The following ADCY8 variants were observed in gnomAD, a reference collection of about 807,000 sequenced individuals.
ADCY8 encodes adenylate cyclase type 8.
ADCY8 carries 51 observed loss-of-function variants against 119.7 expected under a neutral mutation model. That is an observed-to-expected ratio of 0.43 (90% CI 0.34 to 0.54). The LOEUF is 0.54. Among genes scored for constraint, ADCY8 ranks in the 20% least tolerant of loss-of-function variants. The probability of loss-of-function intolerance (pLI) is 0.03; values close to 1 mark genes in which losing one functional copy is unlikely to be tolerated. For missense variants in ADCY8, 1,383 were observed against 1,598.8 expected, an observed-to-expected ratio of 0.87 and a Z score of 2.30; for synonymous variants, 665 against 651.0, an observed-to-expected ratio of 1.02 and a Z score of -0.33.
At chr8:130,951,492 C>T (rs1484764438) in intron 3 of ADCY8, among the ~76,000 whole-genome samples, 1 of 152,152 alleles carries the variant, frequency 6.6e-6, no homozygotes, top group African/African-American at 2.4e-5. Context: ...GTTTTAAACA[C>T]ACTTATGAGT....
chr8:130,955,168 G>A (rs139805979), intron 2 of ADCY8, among the ~76,000 whole-genome samples: 41 of 152,256 alleles, frequency 2.7e-4, no homozygotes, highest in Middle Eastern at 3.4e-3. Context: ...GGAAAGATAC[G>A]CATTCTTACT....
chr8:130,940,582 C>T (rs1374993861), intron 4 of ADCY8, among the ~76,000 whole-genome samples: 1 of 152,044 alleles, frequency 6.6e-6, no homozygotes, highest in Non-Finnish European at 1.5e-5. Context: ...CAAGGTCTGT[C>T]AATTTGCAGA....
intron 4 of ADCY8, among the ~76,000 whole-genome samples, chr8:130,939,400 A>C (rs957714487): frequency 5.3e-5 from 8 of 152,310 alleles, no homozygotes; most frequent in Non-Finnish European, 1.0e-4. Flanking sequence ...CTGATTTTGC[A>C]GATCCGAACA....
intron 6 of ADCY8, among the ~76,000 whole-genome samples, chr8:130,906,772 A>G (rs1412282175): frequency 6.6e-6 from 1 of 151,144 alleles, no homozygotes; most frequent in Non-Finnish European, 1.5e-5. Flanking sequence ...CTAAATTAAG[A>G]CCTAACAATT....
intron 1 of ADCY8, among the ~76,000 whole-genome samples, chr8:131,029,789 G>C (rs1371739590): frequency 6.7e-6 from 1 of 148,862 alleles, no homozygotes; most frequent in Non-Finnish European, 1.5e-5. Flanking sequence ...TTGACAGAGA[G>C]ACTGATTTCT....
chr8:130,912,833 C>T (rs1040870583), intron 5 of ADCY8, among the ~76,000 whole-genome samples: 1 of 151,958 alleles, frequency 6.6e-6, no homozygotes, highest in Admixed American at 6.6e-5. Context: ...TTTATATCTA[C>T]TGACAATGAA....
chr8:130,951,812 C>A, intron 3 of ADCY8, 56 bp downstream of exon 3: 1 of 1,593,174 alleles, frequency 6.3e-7, no homozygotes, highest in South Asian at 1.1e-5. Flanking sequence ...GCAATGAGAG[C>A]ACCCAAACAC....
intron 17 of ADCY8, among the ~76,000 whole-genome samples, chr8:130,782,895 G>A (rs1049420161): frequency 3.9e-5 from 6 of 152,204 alleles, no homozygotes; most frequent in East Asian, 1.9e-4. Context: ...TGTGAGGACC[G>A]TAGCAAAAGT....
intron 1 of ADCY8, among the ~76,000 whole-genome samples, chr8:130,993,427 A>G (rs1296228350): frequency 6.6e-6 from 1 of 152,212 alleles, no homozygotes; most frequent in Non-Finnish European, 1.5e-5. Flanking sequence ...AAAGATAGAG[A>G]TAATCTGGAA....
chr8:131,017,287 CTCG>C (rs1823508172), intron 1 of ADCY8, among the ~76,000 whole-genome samples: 1 of 152,082 alleles, frequency 6.6e-6, no homozygotes, highest in African/African-American at 2.4e-5. Flanking sequence ...CCATGCTGGT[CTCG>C]AACTTTTGAT....
intron 14 of ADCY8, among the ~76,000 whole-genome samples, chr8:130,813,693 A>T (rs1281344033): frequency 6.6e-6 from 1 of 152,218 alleles, no homozygotes; most frequent in Non-Finnish European, 1.5e-5. Flanking sequence ...GCTTCTAGAT[A>T]TACAAATATG....
intron 7 of ADCY8, among the ~76,000 whole-genome samples, chr8:130,903,137 A>C (rs1405954080): frequency 6.6e-6 from 1 of 152,138 alleles, no homozygotes; most frequent in Non-Finnish European, 1.5e-5. Context: ...TGAATAAATA[A>C]TTTAAAAAGA....
intron 2 of ADCY8, among the ~76,000 whole-genome samples, chr8:130,976,602 T>C (rs1822079861): frequency 6.6e-6 from 1 of 152,224 alleles, no homozygotes; most frequent in Non-Finnish European, 1.5e-5. Context: ...CATTGATATA[T>C]ATTTTATGCA....
chr8:130,847,205 A>G (rs918002473), intron 11 of ADCY8, among the ~76,000 whole-genome samples: 2 of 152,080 alleles, frequency 1.3e-5, no homozygotes, highest in Non-Finnish European at 2.9e-5. Context: ...AAAAAGAGGC[A>G]GAGGAGGGGA....
chr8:130,865,912 A>G (rs2130383183), intron 9 of ADCY8, among the ~76,000 whole-genome samples: 1 of 152,142 alleles, frequency 6.6e-6, no homozygotes, highest in African/African-American at 2.4e-5. Flanking sequence ...AGGTTATTGG[A>G]TTGGGCAAAC....
intron 1 of ADCY8, among the ~76,000 whole-genome samples, chr8:131,019,952 G>T (rs746396644): frequency 6.6e-6 from 1 of 151,950 alleles, no homozygotes; most frequent in Non-Finnish European, 1.5e-5. Context: ...AGAGAGCAGA[G>T]GAAGCGTCCC....
chr8:130,944,624 G>T (rs1479738299), intron 3 of ADCY8, among the ~76,000 whole-genome samples: 13 of 152,116 alleles, frequency 8.5e-5, no homozygotes, highest in Non-Finnish European at 1.5e-4. Context: ...TTAAGAATTT[G>T]ACATAGACTA....
chr8:130,903,268 C>T (rs1260563495), intron 7 of ADCY8, among the ~76,000 whole-genome samples: 5 of 152,034 alleles, frequency 3.3e-5, no homozygotes, highest in African/African-American at 4.8e-5. Flanking sequence ...ATTGCATGCT[C>T]CTCCTGAACT....
chr8:130,842,408 C>T (rs1305007573), intron 11 of ADCY8, among the ~76,000 whole-genome samples: 4 of 152,150 alleles, frequency 2.6e-5, no homozygotes, highest in Admixed American at 1.3e-4. Flanking sequence ...GCAGCTAGGA[C>T]TCCAATTACA....
Sources: allele counts gnomAD v4.1 joint callset (sites outside exome capture counted in the v4.1 genomes callset), GRCh38; gene constraint gnomAD v4.1.1; transcripts MANE v1.5; gene names NCBI Gene and HGNC (gene_info 2026-07-23, HGNC 2026-07-21).